The following UMODL1 variants were observed in gnomAD, a reference collection of about 807,000 sequenced individuals.
UMODL1 encodes the protein uromodulin-like 1.
In UMODL1, 128 loss-of-function variants were observed where a neutral mutation model predicts 136.3. The ratio of observed to expected loss-of-function variants is 0.94; its 90% confidence interval spans 0.81 to 1.09. The LOEUF is 1.09. Ranked by LOEUF, UMODL1 falls within the 50% of genes least tolerant of loss-of-function variation. UMODL1 has a pLI of 0.00. For missense variants in UMODL1, 1,766 were observed against 1,725.6 expected (o/e 1.02, Z -0.41); for synonymous variants, 721 against 720.0 (o/e 1.00, Z -0.02).
In UMODL1 at chr21:42,137,313, T is replaced by G. The variant is rs565290855; in HGVS notation, c.3776-126T>G. 2.5e-6 allele frequency: 3 copies of G among 1,195,936 alleles called. No individual in the cohort carries two copies. The South Asian group carries it at 4.1e-5, about 16-fold the overall frequency. 74.1% of individuals were successfully genotyped at this position (1,195,936 alleles called of 1,614,324 possible). On this transcript the variant is annotated intron_variant, in intron 21 of 22. Transcript: ENST00000408910. The stretch of plus-strand genomic sequence containing the variant: ...CTTTGGTAACCCACAGGCACACGGG[T>G]GCACACGTGGGCCTTGCATTCCCCG...
chr21:42,116,752 A>G (rs577958739), intron 14 of UMODL1, among the ~76,000 whole-genome samples: 8 of 152,282 alleles, frequency 5.3e-5, no homozygotes, highest in African/African-American at 1.7e-4. Context: ...GAACATTTTC[A>G]TCACCCAAAA....
chr21:42,096,662 T>A (rs1456041542), intron 6 of UMODL1, among the ~76,000 whole-genome samples: 1 of 152,222 alleles, frequency 6.6e-6, no homozygotes, highest in African/African-American at 2.4e-5. Flanking sequence ...TCAAGTTTGA[T>A]ATCTGAATGG....
Position 42,111,705 on chromosome 21 carries a change from C to T in UMODL1, c.2099C>T (p.Ala700Val), listed in dbSNP as rs1489768029. 6.8e-6 allele frequency: 11 copies of T among 1,609,800 alleles called. No individual in the cohort carries two copies. Among genetic ancestry groups the T allele is most frequent in the Non-Finnish European group, 9.3e-6 (11 of 1,177,588 alleles). Reference sequence around the variant, plus strand: ...ACCCTCACAGCTCTGAAGACCCCCGCCTGTGGTGAGTTCCTCGAATGGTGC... The same window carrying T: ...ACCCTCACAGCTCTGAAGACCCCCGTCTGTGGTGAGTTCCTCGAATGGTGC... ...TSTLTALKTP[A>V]CVPVSIGRIM... Residue 700 changes from alanine to valine, a missense_variant, in exon 12 of 23, where the codon GCC becomes GTC. Ala to Val is a moderately conservative substitution (Grantham distance 64). Transcript: ENST00000408910.
intron 1 of UMODL1, among the ~76,000 whole-genome samples, chr21:42,065,058 G>T (rs57902645): frequency 1.9e-3 from 292 of 152,316 alleles, no homozygotes; most frequent in African/African-American, 6.8e-3. Context: ...ATTAAAGCCT[G>T]ATTCGAGGTA....
At chr21:42,101,183 G>A (rs920250662) in intron 7 of UMODL1, among the ~76,000 whole-genome samples, 1 of 151,736 alleles carries the variant, frequency 6.6e-6, no homozygotes, top group African/African-American at 2.4e-5. Context: ...CTGTGACACC[G>A]GGAGGCAGCA....
chr21:42,141,383 C>G (rs1242999195), intron 22 of UMODL1, among the ~76,000 whole-genome samples: 1 of 152,186 alleles, frequency 6.6e-6, no homozygotes, highest in Non-Finnish European at 1.5e-5. Context: ...GTCTCAGGAC[C>G]CTTACAGCAT....
intron 8 of UMODL1, chr21:42,103,562 G>A (rs937920884): frequency 3.7e-5 from 18 of 481,876 alleles, no homozygotes; most frequent in Middle Eastern, 3.1e-4. Flanking sequence ...AATGACCTTC[G>A]CACCAGTTTT....
rs1601260718 is a variant in UMODL1 at position 42,123,316 on chromosome 21, C to T, written c.3147+166C>T. ...TTCTCAACCAGGGACCAGCCTGCACCCCAGAATCGGAAGGGAGCTGTGAGT... is the reference window on the plus strand; with the variant it reads ...TTCTCAACCAGGGACCAGCCTGCACTCCAGAATCGGAAGGGAGCTGTGAGT... On this transcript the variant is annotated intron_variant, in intron 17 of 22. Coordinates refer to ENST00000408910, the MANE Select transcript of UMODL1 (RefSeq NM_001004416.3). This position sits in a 1 kb window ranked among gnomAD's most constrained non-coding sequence, Gnocchi z 4.4. 6.6e-6 allele frequency among the ~76,000 whole-genome samples: 1 copy of T among 152,264 alleles called. No homozygotes were observed. Among genetic ancestry groups the T allele is most frequent in the African/African-American group, 2.4e-5 (1 of 41,532 alleles).
At chr21:42,071,315 C>T (rs747325576), upstream of UMODL1, 28 of 1,579,738 alleles carry the variant, frequency 1.8e-5, no homozygotes, top group East Asian at 9.5e-5. Context: ...CACTGCCGGA[C>T]GATGCTCAGG....
Position 42,103,978 on chromosome 21 carries a change from C to T in UMODL1, c.1410C>T (p.Thr470=), listed in dbSNP as rs372709657. 4.7e-5 allele frequency: 76 copies of T among 1,614,068 alleles called. No individual in the cohort carries two copies. The highest frequency in any genetic ancestry group is 2.0e-4 in the African/African-American group (15 of 75,044). The stretch of plus-strand genomic sequence containing the variant: ...GTGTGGTCGTGAGGCTCAAGCTCAC[C>T]GTGCAGGACCCCGGGTTTCCCATGG... The part of the protein sequence containing the change: ...AGSVVVRLKL[T]VQDPGFPMGI... Residue 470 remains threonine (T), a synonymous_variant, in exon 9 of 23, where the codon ACC becomes ACT. Transcript: ENST00000408910.
At position 42,119,167 on chromosome 21, in the gene UMODL1, G is replaced by T. The variant is rs376466366; in HGVS notation, c.2532G>T (p.Arg844Ser). Residue 844 changes from arginine to serine, a missense_variant, in exon 15 of 23, where the codon AGG (arginine) becomes AGT (serine). By Grantham distance (110) the Arg-to-Ser change is moderately radical. Coordinates refer to ENST00000408910, the MANE Select transcript of UMODL1 (RefSeq NM_001004416.3). ...AGCACATGGACGCTGGTGGGGTCAG[G>T]ATGGAAGTCGTCAGCGTCACCAACG... ...MCQHMDAGGV[R>S]MEVVSVTNGS... 19 of 1,614,112 alleles carry T rather than the reference G, an allele frequency of 1.2e-5. No homozygotes were observed. Among genetic ancestry groups the T allele is most frequent in the Middle Eastern group, 1.7e-4 (1 of 5,992 alleles).
In UMODL1 at chr21:42,073,026, G is replaced by GCA. The variant is rs1569137801; in HGVS notation, c.76+1635_76+1636insAC. ...GAGATGAGTGTGTGTGTGTGTGCGC[G>GCA]CGCGCGTGTGTGTGTGTGCGTGTGC... is the stretch of plus-strand genomic sequence containing the variant. On this transcript the variant is annotated intron_variant, in intron 1 of 22. Transcript: ENST00000408910. Among the ~76,000 whole-genome samples, 55 of 152,178 alleles carry GCA rather than the reference G, an allele frequency of 3.6e-4. 1 individual carries two copies. Among genetic ancestry groups the GCA allele is most frequent in the South Asian group, 1.9e-3 (9 of 4,812 alleles).
chr21:42,081,892 G>C (rs554174684), intron 2 of UMODL1, among the ~76,000 whole-genome samples: 1 of 152,294 alleles, frequency 6.6e-6, no homozygotes, highest in East Asian at 1.9e-4. Context: ...TGAGGCCTTT[G>C]CTTTTTGCAC....
intron 1 of UMODL1, among the ~76,000 whole-genome samples, chr21:42,074,878 C>T (rs1312267649): frequency 1.3e-5 from 2 of 151,954 alleles, no homozygotes; most frequent in Non-Finnish European, 2.9e-5. Context: ...GCACCAGCCA[C>T]CACAATTTTT....
chr21:42,088,227 C>A, intron 4 of UMODL1, 67 bp from the exon 5 acceptor site: 1 of 1,550,176 alleles, frequency 6.5e-7, no homozygotes, highest in Non-Finnish European at 8.8e-7. Context: ...CTCTGCGGGC[C>A]TCAGTCTCCT....
intron 1 of UMODL1, among the ~76,000 whole-genome samples, chr21:42,065,352 G>A (rs1446923645): frequency 6.6e-6 from 1 of 152,184 alleles, no homozygotes; most frequent in Admixed American, 6.5e-5. Flanking sequence ...GCCACATGAT[G>A]ATATCCATTA....
chr21:42,085,302 G>T lies in UMODL1; in HGVS notation c.493G>T (p.Asp165Tyr). 1.2e-6 allele frequency: 2 copies of T among 1,613,934 alleles called. No homozygotes were observed. The highest frequency in any genetic ancestry group is 1.7e-6 in the Non-Finnish European group (2 of 1,179,908). The change falls in exon 4 of 23, where the codon GAC becomes TAC. Residue 165 changes from aspartate to tyrosine, a missense_variant. Transcript: ENST00000408910. This position sits in a 1 kb window ranked among gnomAD's most constrained non-coding sequence, Gnocchi z 4.5. ...MAPAPQAPER[D>Y]PVGSWYNVTI... ...TTTCCCTTGTGTAGCTCCAGAGAGG[G>T]ACCCTGTGGGCTCCTGGTACAACGT... is the stretch of plus-strand genomic sequence containing the variant.
rs2066321534 is a variant in UMODL1 at position 42,078,545 on chromosome 21, GCGGGGC to G, written c.319+2300_319+2305del. 6.1e-4 allele frequency among the ~76,000 whole-genome samples: 13 copies of G among 21,290 alleles called. 5 individuals carry two copies. Among genetic ancestry groups the G allele is most frequent in the African/African-American group, 1.0e-3 (3 of 2,962 alleles). The allele number at this position is 21,290 out of a possible 152,430, so 14.0% of individuals were successfully genotyped here. On this transcript the variant is annotated intron_variant, in intron 2 of 22. Coordinates refer to ENST00000408910, the MANE Select transcript of UMODL1 (RefSeq NM_001004416.3). ...CACCTCCATCACCAACAGAAACCAG[GCGGGGC>G]CAGCTGACCCCAGAGCAACACCTCC...
chr21:42,119,055 G>A (rs181174061), intron 14 of UMODL1, 56 bp from the exon 15 acceptor site: 31 of 1,560,276 alleles, frequency 2.0e-5, no homozygotes, highest in East Asian at 1.4e-4. Flanking sequence ...GCCTTGAGAC[G>A]GGCATCTGTT....
Sources: gnomAD v4.1 joint callset for allele counts (sites outside exome capture counted in the v4.1 genomes callset) on GRCh38, gnomAD v4.1.1 for gene constraint, Gnocchi (gnomAD v3.1) non-coding constraint, MANE v1.5 for transcripts, NCBI Gene and HGNC (gene_info 2026-07-23, HGNC 2026-07-21) for gene names.